The following ADAMTSL3 variants were observed in gnomAD, a reference collection of about 807,000 sequenced individuals.
The protein encoded by ADAMTSL3 is ADAMTS like 3, also known as ADAMTS-like protein 3.
Under a neutral mutation model 201.7 loss-of-function variants are expected in ADAMTSL3, and 128 were observed. The ratio of observed to expected loss-of-function variants is 0.63; its 90% confidence interval spans 0.55 to 0.73. ADAMTSL3 has a LOEUF of 0.73. ADAMTSL3 is among the 30% of genes least tolerant of loss of function. The pLI is 0.00. For missense variants in ADAMTSL3, 1,990 were observed against 2,119.6 expected (o/e 0.94, Z 1.20); for synonymous variants, 738 against 748.4 (o/e 0.99, Z 0.23).
intron 17 of ADAMTSL3, among the ~76,000 whole-genome samples, chr15:83,932,386 A>G (rs1330825318): frequency 1.3e-5 from 2 of 152,212 alleles, no homozygotes; most frequent in South Asian, 2.1e-4. Context: ...TAGTGGGGAC[A>G]GTTGTCAGTC....
intron 4 of ADAMTSL3, among the ~76,000 whole-genome samples, chr15:83,781,801 C>T (rs1012013985): frequency 6.6e-6 from 1 of 151,920 alleles, no homozygotes; most frequent in Non-Finnish European, 1.5e-5. Context: ...GAAGACGTGG[C>T]CAAAAGTCAT....
chr15:83,842,895 A>G (rs1340001191), intron 7 of ADAMTSL3, among the ~76,000 whole-genome samples: 2 of 152,190 alleles, frequency 1.3e-5, no homozygotes, highest in African/African-American at 4.8e-5. Flanking sequence ...TCATCAGAAA[A>G]TACCTCGTTT....
At chr15:83,744,641 A>G (rs2062514303) in intron 3 of ADAMTSL3, among the ~76,000 whole-genome samples, 1 of 152,174 alleles carries the variant, frequency 6.6e-6, no homozygotes, top group African/African-American at 2.4e-5. Flanking sequence ...CAAGAATCCA[A>G]TACATCATTA....
At chr15:83,862,136 C>T (rs961862534) in intron 8 of ADAMTSL3, 2 of 152,144 alleles carry the variant, frequency 1.3e-5, no homozygotes, top group Non-Finnish European at 2.9e-5. Flanking sequence ...ACCAAATCTA[C>T]GTCTGATTGG....
At chr15:83,863,749 A>G (rs189510350) in intron 8 of ADAMTSL3, among the ~76,000 whole-genome samples, 2,046 of 152,326 alleles carry the variant, frequency 0.013, 46 homozygotes, top group African/African-American at 0.046. Flanking sequence ...GCAGAAGGCA[A>G]GAAATAACTA....
chr15:83,891,669 T>A (rs1287122693), intron 12 of ADAMTSL3, among the ~76,000 whole-genome samples: 6 of 152,220 alleles, frequency 3.9e-5, no homozygotes, highest in Non-Finnish European at 7.3e-5. Flanking sequence ...TTTAATCCCC[T>A]TTTATACCGA....
At chr15:83,774,656 C>T (rs1265577650) in intron 4 of ADAMTSL3, among the ~76,000 whole-genome samples, 2 of 152,128 alleles carry the variant, frequency 1.3e-5, no homozygotes, top group Non-Finnish European at 2.9e-5. Context: ...GAACTAAATC[C>T]AGGGATTATT....
At chr15:84,028,697 T>G (rs2068352349) in intron 27 of ADAMTSL3, among the ~76,000 whole-genome samples, 1 of 152,206 alleles carries the variant, frequency 6.6e-6, no homozygotes, top group African/African-American at 2.4e-5. Context: ...GGTCTAAGTT[T>G]TGTGGGAGAA....
intron 16 of ADAMTSL3, among the ~76,000 whole-genome samples, chr15:83,921,835 C>T (rs1487705380): frequency 3.5e-5 from 5 of 141,500 alleles, no homozygotes; most frequent in Non-Finnish European, 7.5e-5. Flanking sequence ...TAGGCACACC[C>T]ACCACACCCA....
intron 16 of ADAMTSL3, among the ~76,000 whole-genome samples, chr15:83,919,550 G>A (rs2066099279): frequency 6.6e-6 from 1 of 152,134 alleles, no homozygotes; most frequent in Non-Finnish European, 1.5e-5. Context: ...AAAGGGTTGA[G>A]GAAAGAATGA....
chr15:83,855,886 C>G (rs1353031513), intron 7 of ADAMTSL3, among the ~76,000 whole-genome samples: 1 of 152,062 alleles, frequency 6.6e-6, no homozygotes, highest in East Asian at 2.0e-4. Flanking sequence ...TGGCATGCAA[C>G]TGTGGCCCCA....
At chr15:83,683,146 A>G (rs926761300) in intron 2 of ADAMTSL3, among the ~76,000 whole-genome samples, 2 of 152,234 alleles carry the variant, frequency 1.3e-5, no homozygotes, top group East Asian at 1.9e-4. Flanking sequence ...AGAATGAAAG[A>G]TGGTTGATAC....
At chr15:83,711,213 C>T (rs2061929055) in intron 3 of ADAMTSL3, among the ~76,000 whole-genome samples, 1 of 152,136 alleles carries the variant, frequency 6.6e-6, no homozygotes, top group Non-Finnish European at 1.5e-5. Flanking sequence ...TTCTTCCGAA[C>T]TTTTCATGAA....
At chr15:83,763,757 G>T (rs1012734908) in intron 3 of ADAMTSL3, among the ~76,000 whole-genome samples, 2 of 152,106 alleles carry the variant, frequency 1.3e-5, no homozygotes, top group African/African-American at 2.4e-5. Flanking sequence ...CGCCCGCCTT[G>T]GCCTCCCAAA....
At chr15:83,800,270 T>G (rs2063496714) in intron 4 of ADAMTSL3, among the ~76,000 whole-genome samples, 1 of 152,218 alleles carries the variant, frequency 6.6e-6, no homozygotes, top group Admixed American at 6.5e-5. Flanking sequence ...TTTTGAAAAT[T>G]CGTGACATAA....
chr15:83,886,827 C>A (rs547088094), intron 10 of ADAMTSL3, among the ~76,000 whole-genome samples: 9 of 152,290 alleles, frequency 5.9e-5, no homozygotes, highest in African/African-American at 2.2e-4. Context: ...ATTTAGGCTC[C>A]CCCTAAAACA....
Position 83,794,071 on chromosome 15 carries a change from TAC to T in ADAMTSL3, c.318-10578_318-10577del, listed in dbSNP as rs201577189. On this transcript the variant is annotated intron_variant, in intron 4 of 29. Coordinates refer to ENST00000286744, the MANE Select transcript of ADAMTSL3 (RefSeq NM_207517.3). ...AAGCACACAAAAGTATGTTCAACACTACTGGCTATTAAGGAAATGCAAATTAA... is the reference window on the plus strand; with the variant it reads ...AAGCACACAAAAGTATGTTCAACACTTGGCTATTAAGGAAATGCAAATTAA... 4.7e-3 allele frequency among the ~76,000 whole-genome samples: 721 copies of T among 152,294 alleles called. 4 individuals are homozygous for T. The highest frequency in any genetic ancestry group is 0.017 in the African/African-American group (686 of 41,540).
chr15:83,877,897 G>T (rs893400085), intron 9 of ADAMTSL3, among the ~76,000 whole-genome samples: 6 of 151,966 alleles, frequency 3.9e-5, no homozygotes, highest in Non-Finnish European at 7.4e-5. Flanking sequence ...TGGAAATATT[G>T]ATTTTTGTGT....
intron 17 of ADAMTSL3, among the ~76,000 whole-genome samples, chr15:83,932,378 G>A (rs1031910477): frequency 6.6e-6 from 1 of 152,162 alleles, no homozygotes; most frequent in Non-Finnish European, 1.5e-5. Context: ...CATTGCCTTA[G>A]TGGGGACAGT....
Sources: gnomAD v4.1 joint callset for allele counts (sites outside exome capture counted in the v4.1 genomes callset) on GRCh38, gnomAD v4.1.1 for gene constraint, MANE v1.5 for transcripts, NCBI Gene and HGNC (gene_info 2026-07-23, HGNC 2026-07-21) for gene names.